FBXL17: variants seen among roughly 807,000 people sequenced by gnomAD.
The protein encoded by FBXL17 is F-box and leucine rich repeat protein 17.
FBXL17 carries 22 observed loss-of-function variants against 66.2 expected under a neutral mutation model. The ratio of observed to expected loss-of-function variants is 0.33; its 90% CI spans 0.24 to 0.47. The LOEUF is 0.47. Among genes scored for constraint, FBXL17 ranks in the 20% least tolerant of loss-of-function variants. FBXL17 has a pLI of 1.00. For missense variants in FBXL17, 878 were observed against 948.2 expected (o/e 0.93, Z 0.97); for synonymous variants, 474 against 400.5 (o/e 1.18, Z -2.19).
intron 3 of FBXL17, among the ~76,000 whole-genome samples, chr5:108,354,914 T>C (rs1305222205): frequency 1.3e-5 from 2 of 152,026 alleles, no homozygotes; most frequent in Non-Finnish European, 1.5e-5. Context: ...TAGTATTCTA[T>C]AGCCTGTGAA....
intron 7 of FBXL17, among the ~76,000 whole-genome samples, chr5:107,976,608 C>T (rs1752589281): frequency 6.6e-6 from 1 of 152,042 alleles, no homozygotes. Context: ...TTTGGGAATG[C>T]CTGTTCTAAA....
chr5:107,990,459 G>A (rs1295189125), intron 7 of FBXL17, among the ~76,000 whole-genome samples: 6 of 152,028 alleles, frequency 3.9e-5, no homozygotes, highest in Non-Finnish European at 8.8e-5. Context: ...CTCTGGAGTT[G>A]GTCTCTGTCA....
chr5:108,226,247 G>A (rs1755094470), intron 4 of FBXL17, among the ~76,000 whole-genome samples: 1 of 152,160 alleles, frequency 6.6e-6, no homozygotes, highest in Non-Finnish European at 1.5e-5. Context: ...GCACTGAAAA[G>A]TCCTATGACC....
chr5:108,197,545 A>T (rs1753727703), intron 5 of FBXL17, among the ~76,000 whole-genome samples: 1 of 152,172 alleles, frequency 6.6e-6, no homozygotes, highest in African/African-American at 2.4e-5. Context: ...TTTTTAAAGT[A>T]GTGAAATAAC....
At chr5:107,953,295 C>T (rs1313444427) in intron 7 of FBXL17, among the ~76,000 whole-genome samples, 2 of 149,128 alleles carry the variant, frequency 1.3e-5, no homozygotes, top group Non-Finnish European at 3.0e-5. Flanking sequence ...CCCAGCTACT[C>T]GGGAGGCTGA....
At chr5:108,370,194 T>C (rs934685487) in intron 1 of FBXL17, among the ~76,000 whole-genome samples, 1 of 152,086 alleles carries the variant, frequency 6.6e-6, no homozygotes, top group Non-Finnish European at 1.5e-5. Context: ...CAGCTACGAA[T>C]TGTTTTGTTT....
intron 6 of FBXL17, among the ~76,000 whole-genome samples, chr5:108,167,830 A>G (rs991848523): frequency 6.6e-6 from 1 of 152,232 alleles, no homozygotes; most frequent in African/African-American, 2.4e-5. Context: ...TCAGAAAAAA[A>G]GTAGACAGAT....
intron 6 of FBXL17, among the ~76,000 whole-genome samples, chr5:108,034,473 G>T (rs1746763711): frequency 1.3e-5 from 2 of 152,196 alleles, no homozygotes; most frequent in South Asian, 4.2e-4. Context: ...AGTAAAGCTA[G>T]ATACCATGTA....
chr5:108,121,722 A>C (rs1007195880), intron 6 of FBXL17, among the ~76,000 whole-genome samples: 3 of 151,990 alleles, frequency 2.0e-5, no homozygotes, highest in Admixed American at 2.0e-4. Context: ...ACGCCTGGCT[A>C]ATTTTTTTGT....
At chr5:108,263,281 A>G (rs1756911497) in intron 4 of FBXL17, among the ~76,000 whole-genome samples, 1 of 152,202 alleles carries the variant, frequency 6.6e-6, no homozygotes, top group Non-Finnish European at 1.5e-5. Flanking sequence ...GGACAAAATT[A>G]AATTGAAAAT....
chr5:108,113,092 C>T (rs533632996), intron 6 of FBXL17, among the ~76,000 whole-genome samples: 1 of 152,304 alleles, frequency 6.6e-6, no homozygotes, highest in South Asian at 2.1e-4. Context: ...GCTAATAACT[C>T]ACCCAGTCTT....
chr5:107,998,786 A>G (rs779361058), intron 7 of FBXL17, among the ~76,000 whole-genome samples: 1 of 152,112 alleles, frequency 6.6e-6, no homozygotes, highest in Non-Finnish European at 1.5e-5. Flanking sequence ...CTCCATTGCT[A>G]AAGTTCTGTC....
chr5:108,133,105 T>C (rs897218732), intron 6 of FBXL17, among the ~76,000 whole-genome samples: 6 of 152,120 alleles, frequency 3.9e-5, no homozygotes, highest in African/African-American at 9.7e-5. Context: ...CGAAGGCAAA[T>C]AGTAAAACTA....
At position 108,151,722 on chromosome 5, in the gene FBXL17, C is replaced by T. The variant is rs180725253; in HGVS notation, c.1745+34395G>A. On this transcript the variant is annotated intron_variant, in intron 6 of 8. Transcript: ENST00000542267. ...TTACGCAAAATGGAAAGGCAATTTA[C>T]ATAAGGACACCTATGTTTCCATTTA... 1.4e-4 allele frequency among the ~76,000 whole-genome samples: 21 copies of T among 152,286 alleles called. No homozygotes were observed. In the East Asian group the frequency reaches 4.0e-3, roughly 29 times the overall value.
chr5:108,253,936 T>A (rs2150116973), intron 4 of FBXL17, among the ~76,000 whole-genome samples: 1 of 152,006 alleles, frequency 6.6e-6, no homozygotes. Flanking sequence ...GAGGTTGCAG[T>A]GAGTGGAGTG....
At chr5:108,326,844 C>T (rs1179535630) in intron 4 of FBXL17, among the ~76,000 whole-genome samples, 2 of 152,016 alleles carry the variant, frequency 1.3e-5, no homozygotes. Flanking sequence ...CATAGTAGTC[C>T]AAATGGAGTT....
At chr5:107,882,653 T>A (rs1378158192) in intron 7 of FBXL17, among the ~76,000 whole-genome samples, 4 of 152,202 alleles carry the variant, frequency 2.6e-5, no homozygotes, top group Non-Finnish European at 2.9e-5. Flanking sequence ...AGGAGCAACA[T>A]CCCAGGTTAA....
intron 4 of FBXL17, among the ~76,000 whole-genome samples, chr5:108,286,277 G>A (rs1198898966): frequency 6.6e-6 from 1 of 151,840 alleles, no homozygotes; most frequent in African/African-American, 2.4e-5. Flanking sequence ...ACATAGTACT[G>A]GAAGTCATAG....
rs541450886 is a variant in FBXL17 at position 108,310,955 on chromosome 5, C to T, written c.1506+37444G>A. Among the ~76,000 whole-genome samples the T allele has an allele frequency of 5.9e-5, 9 of 152,242 alleles. 1 individual carries two copies. In the South Asian group the frequency reaches 1.9e-3, roughly 32 times the overall value. On this transcript the variant is annotated intron_variant, in intron 4 of 8. Coordinates refer to ENST00000542267, the MANE Select transcript of FBXL17 (RefSeq NM_001163315.3). ...TCTCAGCATTCCCTCTGCCAAAATG[C>T]CAGCAAACTTCTTCAGAAAACTACA...
Sources: gnomAD v4.1 joint callset for allele counts (sites outside exome capture counted in the v4.1 genomes callset) on GRCh38, gnomAD v4.1.1 for gene constraint, MANE v1.5 for transcripts, NCBI Gene and HGNC (gene_info 2026-07-23, HGNC 2026-07-21) for gene names.